EIF6: variants seen among roughly 807,000 people sequenced by gnomAD.
The protein encoded by EIF6 is eukaryotic translation initiation factor 6, also known as B4 integrin interactor.
Under a neutral mutation model 25.5 loss-of-function variants are expected in EIF6, and 10 were observed. The ratio of observed to expected loss-of-function variants is 0.39; its 90% CI spans 0.24 to 0.66. The LOEUF (loss-of-function observed/expected upper bound fraction) is 0.66. Among genes scored for constraint, EIF6 ranks in the 30% least tolerant of loss-of-function variants. EIF6 has a pLI of 0.45. For missense variants in EIF6, 246 were observed against 315.4 expected, an observed-to-expected ratio of 0.78 and a Z score of 1.67; for synonymous variants, 122 against 122.6, an observed-to-expected ratio of 1.00 and a Z score of 0.03.
In EIF6 at chr20:35,284,752, G is replaced by T; in HGVS notation, c.-32C>A. 1.9e-6 allele frequency: 1 copy of T among 523,078 alleles called. No individual in the cohort carries two copies. The highest frequency in any genetic ancestry group is 3.4e-6 in the Non-Finnish European group (1 of 293,474). 32.4% of individuals were successfully genotyped at this position (523,078 alleles called of 1,614,324 possible). On this transcript the variant is annotated 5_prime_UTR_variant, in exon 1 of 7. Coordinates refer to ENST00000374450, the MANE Select transcript of EIF6 (RefSeq NM_002212.4). ...AAGTAACCAGTAACAAGCTCCGCAC[G>T]CGGCGACTGTACCTTGGACTCCCTA...
intron 3 of EIF6, among the ~76,000 whole-genome samples, chr20:35,281,326 C>T (rs2060773458): frequency 6.7e-6 from 1 of 150,312 alleles, no homozygotes; most frequent in African/African-American, 2.5e-5. Flanking sequence ...GCGGAGCTTG[C>T]AGTGAGCCGA....
chr20:35,282,102 C>A lies in EIF6; in HGVS notation c.194-1273G>T, dbSNP rs554545713. On this transcript the variant is annotated intron_variant, in intron 3 of 6. Transcript: ENST00000374450. ...CTCCCCGGTTCACACCATTCTCCTG[C>A]CTCAACCTCCCAAGTAGCTGGGACT... Among the ~76,000 whole-genome samples the A allele has an allele frequency of 9.3e-4, 142 of 151,878 alleles. 1 individual carries two copies. Among genetic ancestry groups the A allele is most frequent in the Non-Finnish European group, 1.4e-3 (94 of 67,988 alleles).
intron 3 of EIF6, among the ~76,000 whole-genome samples, chr20:35,281,287 G>C (rs2060772881): frequency 6.6e-6 from 1 of 151,720 alleles, no homozygotes; most frequent in African/African-American, 2.4e-5. Flanking sequence ...TCGGGAGGCT[G>C]AGGCAGGAGA....
intron 3 of EIF6, among the ~76,000 whole-genome samples, chr20:35,282,380 C>T (rs1049912737): frequency 2.0e-5 from 3 of 152,168 alleles, no homozygotes; most frequent in Admixed American, 6.5e-5. Context: ...TTACACAAAA[C>T]ACACCATACA....
chr20:35,284,335 T>G, intron 2 of EIF6, 46 bp downstream of exon 2: 4 of 1,613,822 alleles, frequency 2.5e-6, no homozygotes, highest in Non-Finnish European at 3.4e-6. Context: ...TCTTGACTCC[T>G]GCGCACGCCT....
chr20:35,280,509 C>G (rs2060764897), intron 4 of EIF6, 145 bp downstream of exon 4: 1 of 987,786 alleles, frequency 1.0e-6, no homozygotes, highest in African/African-American at 1.6e-5. Context: ...TCTGTTATCA[C>G]TATTCCAATG....
intron 3 of EIF6, among the ~76,000 whole-genome samples, chr20:35,281,607 G>T (rs2060776496): frequency 6.6e-6 from 1 of 151,928 alleles, no homozygotes; most frequent in Non-Finnish European, 1.5e-5. Flanking sequence ...CACCACACCT[G>T]GCTAACTTTT....
chr20:35,279,876 G>A, intron 5 of EIF6, 66 bp downstream of exon 5: 1 of 1,590,846 alleles, frequency 6.3e-7, no homozygotes, highest in Non-Finnish European at 8.6e-7. Context: ...TAATGACCCA[G>A]ACTCCCAAAC....
At chr20:35,283,527 T>C (rs1352404798) in intron 3 of EIF6, among the ~76,000 whole-genome samples, 4 of 152,156 alleles carry the variant, frequency 2.6e-5, no homozygotes, top group African/African-American at 9.7e-5. Flanking sequence ...CGGCTGGGTA[T>C]AGTGGCTCTC....
intron 6 of EIF6, 117 bp downstream of exon 6, chr20:35,279,449 G>A (rs1423511137): frequency 4.6e-5 from 65 of 1,419,790 alleles, no homozygotes; most frequent in Non-Finnish European, 5.8e-5. Flanking sequence ...TCTCACACTC[G>A]AGAAGCTACC....
At chr20:35,279,416 TG>T in intron 6 of EIF6, 149 bp downstream of exon 6, 2 of 1,220,648 alleles carry the variant, frequency 1.6e-6, no homozygotes, top group South Asian at 2.7e-5. Flanking sequence ...GGCTCTTATC[TG>T]CTCAGCAGTG....
rs1415878617 is a variant in EIF6, at chr20:35,284,694, G to A, written c.-6+32C>T. 1.9e-5 allele frequency: 12 copies of A among 615,914 alleles called. No individual in the cohort carries two copies. In the African/African-American group the frequency reaches 2.2e-4, roughly 11 times the overall value. 38.2% of individuals were successfully genotyped at this position (615,914 alleles called of 1,614,324 possible). ...CCCCTCCCGACCCAGGACCGGAGCT[G>A]ACCCTCCCAGGTTCCCCTCACACCA... On this transcript the variant is annotated intron_variant, in intron 1 of 6. Coordinates refer to ENST00000374450, the MANE Select transcript of EIF6 (RefSeq NM_002212.4).
In EIF6 at chr20:35,284,341, C is replaced by A. The variant is rs749681288; in HGVS notation, c.107+40G>T. ...TGCCGGAGCTCTTGACTCCTGCGCA[C>A]GCCTCCCCGCCACCGTAAGCCCCGG... On this transcript the variant is annotated intron_variant, in intron 2 of 6. Coordinates refer to ENST00000374450, the MANE Select transcript of EIF6 (RefSeq NM_002212.4). 3 of 1,613,766 alleles carry A rather than the reference C, an allele frequency of 1.9e-6. 1 individual carries two copies. The South Asian group carries it at 3.3e-5, about 18-fold the overall frequency.
Position 35,278,980 on chromosome 20 carries a change from C to A in EIF6, c.*217G>T. On this transcript the variant is annotated 3_prime_UTR_variant, in exon 7 of 7. Coordinates refer to ENST00000374450, the MANE Select transcript of EIF6 (RefSeq NM_002212.4). ...GGACAGCAGAACCCTCAGCCAGCAG[C>A]CACAGGGCCTGCCAGCCAGCACAAC... The A allele has an allele frequency of 1.6e-6, 1 of 623,346 alleles. No individual in the cohort carries two copies. Among genetic ancestry groups the A allele is most frequent in the Admixed American group, 2.7e-5 (1 of 37,600 alleles). 38.6% of individuals were successfully genotyped at this position (623,346 alleles called of 1,614,324 possible). A position where few individuals can be genotyped will look rare whatever the true frequency, so the allele number is the denominator to read the frequency against.
At chr20:35,284,557 C>T in intron 1 of EIF6, 65 bp from the exon 2 acceptor site, 2 of 1,524,512 alleles carry the variant, frequency 1.3e-6, no homozygotes, top group Non-Finnish European at 1.8e-6. Flanking sequence ...CGGCCTCCGT[C>T]CCTCAGGCCC....
At chr20:35,279,446 C>G (rs2060750643) in intron 6 of EIF6, 120 bp downstream of exon 6, 1 of 1,404,626 alleles carries the variant, frequency 7.1e-7, no homozygotes. Flanking sequence ...TGCTCTCACA[C>G]TCGAGAAGCT....
rs754045987 is a variant in EIF6, at chr20:35,280,646, T to G, written c.369+8A>C. 2 of 1,612,382 alleles carry G rather than the reference T, an allele frequency of 1.2e-6. No individual in the cohort carries two copies. Among genetic ancestry groups the G allele is most frequent in the South Asian group, 2.2e-5 (2 of 90,532 alleles). ...CTGTGACTCTTGGGTCAAGTTGGGC[T>G]GCCTCACCCTGTCCAAGTCTGGGTG... On this transcript the variant is annotated splice_region_variant and intron_variant, in intron 4 of 6. Coordinates refer to ENST00000374450, the MANE Select transcript of EIF6 (RefSeq NM_002212.4).
At chr20:35,282,179 C>CG (rs1290334980) in intron 3 of EIF6, among the ~76,000 whole-genome samples, 1 of 152,022 alleles carries the variant, frequency 6.6e-6, no homozygotes, top group African/African-American at 2.4e-5. Flanking sequence ...TTAGTAGACA[C>CG]GGGGTTTCAC....
intron 5 of EIF6, 78 bp from the exon 6 acceptor site, chr20:35,279,825 C>A: frequency 1.3e-6 from 2 of 1,595,788 alleles, no homozygotes; most frequent in Non-Finnish European, 8.6e-7. Flanking sequence ...CCAAACCCTG[C>A]TCCTCCCTGA....
Sources: gnomAD v4.1 joint callset for allele counts (sites outside exome capture counted in the v4.1 genomes callset) on GRCh38, gnomAD v4.1.1 for gene constraint, MANE v1.5 for transcripts, NCBI Gene and HGNC (gene_info 2026-07-23, HGNC 2026-07-21) for gene names.